USP54: variants seen among roughly 807,000 people sequenced by gnomAD.
The protein encoded by USP54 is ubiquitin carboxyl-terminal hydrolase 54.
In USP54, 87 loss-of-function variants were observed where a neutral mutation model predicts 170.5. That is an observed-to-expected ratio of 0.51 (90% CI 0.43 to 0.61). The LOEUF is 0.61. Among genes scored for constraint, USP54 ranks in the 20% least tolerant of loss-of-function variants. USP54 has a pLI of 0.00. For synonymous variants in USP54, 655 were observed against 742.8 expected (o/e 0.88, Z 1.92); for missense variants, 1,786 against 2,047.8 (o/e 0.87, Z 2.47).
chr10:73,526,873 A>T (rs2062970731), intron 15 of USP54, 93 bp from the exon 16 acceptor site: 1 of 1,386,478 alleles, frequency 7.2e-7, no homozygotes. Context: ...AAAAAAAATC[A>T]AACTACACAA....
chr10:73,582,407 A>G (rs2077002438), intron 1 of USP54, among the ~76,000 whole-genome samples: 1 of 150,158 alleles, frequency 6.7e-6, no homozygotes, highest in African/African-American at 2.5e-5. Flanking sequence ...TTTTTTTGAG[A>G]CAGAGTCTCG....
chr10:73,500,564 C>G (rs958949719), intron 23 of USP54, 91 bp downstream of exon 23: 3 of 1,266,562 alleles, frequency 2.4e-6, no homozygotes, highest in East Asian at 2.6e-5. Flanking sequence ...CTTGGGATAC[C>G]CCCCTCCCCA....
intron 5 of USP54, among the ~76,000 whole-genome samples, chr10:73,545,083 G>A (rs185411349): frequency 1.2e-4 from 19 of 152,278 alleles, no homozygotes; most frequent in East Asian, 3.9e-4. Flanking sequence ...TCAGAAGAGC[G>A]AGGGGCACTG....
chr10:73,542,823 A>T lies in USP54; in HGVS notation c.552T>A (p.Tyr184Ter), dbSNP rs2133527334. The T allele has an allele frequency of 6.2e-7, 1 of 1,614,144 alleles. No individual in the cohort carries two copies. The highest frequency in any genetic ancestry group is 8.5e-7 in the Non-Finnish European group (1 of 1,180,018). The change falls in exon 7 of 24, where the codon TAT becomes TAA. Residue 184 changes from tyrosine to a stop codon, truncating the protein, a stop_gained. Coordinates refer to ENST00000687698, the MANE Select transcript of USP54 (RefSeq NM_001391956.1). LOFTEE classifies it high-confidence loss of function. Reference protein sequence around the residue: ...DPLPFIQMVHYISTTSLCNQA... With the variant: ...DPLPFIQMVH ...CTCACCAAAGGGAAGTGGTGGAGATATAATGTACCATCTGGATGAAAGGCA... is the reference window on the plus strand; with the variant it reads ...CTCACCAAAGGGAAGTGGTGGAGATTTAATGTACCATCTGGATGAAAGGCA...
Position 73,516,631 on chromosome 10 carries a change from AT to A in USP54, c.3794del (p.Asn1265IlefsTer19). On this transcript the variant is annotated frameshift_variant, in exon 20 of 24. Coordinates refer to ENST00000687698, the MANE Select transcript of USP54 (RefSeq NM_001391956.1). LOFTEE classifies it high-confidence loss of function. ...GTSLPLDSWVNITRFCDSQLK... is the reference protein window; with the variant it reads ...GTSLPLDSWVXITRFCDSQLK... ...GCTGAGAATCACAGAACCTTGTGAT[AT>A]TCACCCAGGAATCCAAAGGCAAGGA... is the stretch of plus-strand genomic sequence containing the variant. 1 of 1,614,210 alleles carries A rather than the reference AT, an allele frequency of 6.2e-7. No individual in the cohort carries two copies. The highest frequency in any genetic ancestry group is 8.5e-7 in the Non-Finnish European group (1 of 1,180,036).
chr10:73,540,082 G>A (rs1170438262), intron 9 of USP54, among the ~76,000 whole-genome samples: 2 of 151,912 alleles, frequency 1.3e-5, no homozygotes, highest in African/African-American at 4.8e-5. Context: ...ACTCCAGCCT[G>A]GGCGACAGAG....
At chr10:73,557,057 C>T (rs1398402976) in intron 4 of USP54, among the ~76,000 whole-genome samples, 1 of 152,108 alleles carries the variant, frequency 6.6e-6, no homozygotes, top group East Asian at 1.9e-4. Context: ...CTAGTACAAT[C>T]CCTGGAAGAA....
intron 4 of USP54, among the ~76,000 whole-genome samples, chr10:73,567,608 G>A (rs1437609858): frequency 6.6e-6 from 1 of 152,142 alleles, no homozygotes; most frequent in East Asian, 1.9e-4. Flanking sequence ...GGAGGCAGAG[G>A]TTGCAGTGAG....
chr10:73,601,526 A>G (rs2079167043), intron 1 of USP54, among the ~76,000 whole-genome samples: 1 of 149,764 alleles, frequency 6.7e-6, no homozygotes, highest in Non-Finnish European at 1.5e-5. Flanking sequence ...CCTTTTTGCT[A>G]CTCACCAAGT....
intron 1 of USP54, among the ~76,000 whole-genome samples, chr10:73,584,438 G>C (rs773725737): frequency 6.6e-6 from 1 of 152,076 alleles, no homozygotes; most frequent in Non-Finnish European, 1.5e-5. Flanking sequence ...AATCCACTGA[G>C]GGTTATATGT....
intron 22 of USP54, among the ~76,000 whole-genome samples, chr10:73,502,046 T>C (rs940093215): frequency 3.3e-5 from 5 of 152,190 alleles, no homozygotes. Context: ...CCCCTATTTC[T>C]TTTTACTTCT....
At chr10:73,520,165 T>A in intron 18 of USP54, 173 bp from the exon 19 acceptor site, 1 of 899,252 alleles carries the variant, frequency 1.1e-6, no homozygotes, top group South Asian at 1.8e-5. Context: ...TGCCTCTGGC[T>A]ATAAGGAACA....
At chr10:73,536,893 C>T (rs374371481) in intron 10 of USP54, among the ~76,000 whole-genome samples, 1 of 152,232 alleles carries the variant, frequency 6.6e-6, no homozygotes, top group East Asian at 1.9e-4. Context: ...AACTCTTTCA[C>T]AGACTGCCTT....
intron 12 of USP54, among the ~76,000 whole-genome samples, chr10:73,531,925 A>G (rs2064060886): frequency 2.0e-5 from 3 of 152,196 alleles, no homozygotes; most frequent in African/African-American, 7.2e-5. Flanking sequence ...AAGCAGGTAA[A>G]TTAAGTTTGA....
At chr10:73,508,972 GT>G (rs945752651) in intron 20 of USP54, among the ~76,000 whole-genome samples, 2,500 of 133,516 alleles carry the variant, frequency 0.019, 22 homozygotes, top group Non-Finnish European at 0.025. Context: ...GCCAGAACAT[GT>G]TTTTTTTTTT....
At chr10:73,591,461 C>T (rs1295707924), upstream of USP54, 1 of 152,120 alleles carries the variant, frequency 6.6e-6, no homozygotes, top group South Asian at 2.1e-4. Context: ...AAGGACTTCC[C>T]GCAGAACAGG....
intron 20 of USP54, among the ~76,000 whole-genome samples, chr10:73,515,017 G>A (rs770242435): frequency 5.3e-5 from 8 of 151,656 alleles, no homozygotes; most frequent in Middle Eastern, 3.2e-3. Flanking sequence ...TCCAGCCTGG[G>A]CAACAGGAGT....
intron 1 of USP54, among the ~76,000 whole-genome samples, chr10:73,613,613 G>A (rs1190625519): frequency 1.3e-5 from 2 of 152,050 alleles, no homozygotes; most frequent in Non-Finnish European, 2.9e-5. Flanking sequence ...AGGGCTGGGC[G>A]TGGTGGCTCA....
chr10:73,568,513 C>T (rs2074338599), intron 4 of USP54, among the ~76,000 whole-genome samples: 1 of 151,976 alleles, frequency 6.6e-6, no homozygotes, highest in Non-Finnish European at 1.5e-5. Context: ...GAAACAACGC[C>T]ATCTAAAACG....
Sources: allele counts gnomAD v4.1 joint callset (sites outside exome capture counted in the v4.1 genomes callset), GRCh38; gene constraint gnomAD v4.1.1; transcripts MANE v1.5; gene names NCBI Gene and HGNC (gene_info 2026-07-23, HGNC 2026-07-21).